The following GATA6 variants were observed in gnomAD, a reference collection of about 807,000 sequenced individuals.
The protein encoded by GATA6 is GATA binding protein 6, also known as transcription factor GATA-6.
A neutral mutation model predicts 48.1 loss-of-function variants in GATA6; 11 were observed. The observed-to-expected ratio is 0.23, with a 90% CI of 0.14 to 0.38. The LOEUF is 0.38. Among genes scored for constraint, GATA6 ranks in the 10% least tolerant of loss-of-function variants. GATA6 has a pLI of 1.00. For synonymous variants in GATA6, 419 were observed against 396.1 expected, an observed-to-expected ratio of 1.06 and a Z score of -0.69; for missense variants, 795 against 850.3, an observed-to-expected ratio of 0.93 and a Z score of 0.81.
At chr18:22,173,796 C>T (rs1382666007) in intron 2 of GATA6, among the ~76,000 whole-genome samples, 1 of 152,214 alleles carries the variant, frequency 6.6e-6, no homozygotes, top group African/African-American at 2.4e-5. Context: ...CGCGCGCCGC[C>T]ACACCTAGCT....
At chr18:22,191,371 C>T (rs543308002) in intron 6 of GATA6, among the ~76,000 whole-genome samples, 3 of 149,924 alleles carry the variant, frequency 2.0e-5, no homozygotes, top group East Asian at 4.0e-4. Flanking sequence ...ACCCGCCCCC[C>T]CAACGCCTCT....
At chr18:22,198,176 C>T (rs2033415424) in intron 6 of GATA6, among the ~76,000 whole-genome samples, 1 of 151,894 alleles carries the variant, frequency 6.6e-6, no homozygotes, top group Admixed American at 6.6e-5. Context: ...CCTTCATCAC[C>T]TAGACTCAAG....
Position 22,170,812 on chromosome 18 carries a change from A to T in GATA6, c.-37-296A>T. On this transcript the variant is annotated intron_variant, in intron 1 of 6. Coordinates refer to ENST00000269216, the MANE Select transcript of GATA6 (RefSeq NM_005257.6). This position sits in a 1 kb window ranked among gnomAD's most constrained non-coding sequence, Gnocchi z 6.7. ...GATCTGGCGCGCGCACGGAGAAAGG[A>T]TGCGGCCGAGGGGGTGGGCGGGGAG... 1 of 429,222 alleles carries T rather than the reference A, an allele frequency of 2.3e-6. No homozygotes were observed. The highest frequency in any genetic ancestry group is 4.2e-6 in the Non-Finnish European group (1 of 237,210). The allele number at this position is 429,222 out of a possible 1,614,324, so 26.6% of individuals were successfully genotyped here.
intron 3 of GATA6, among the ~76,000 whole-genome samples, chr18:22,177,790 A>G (rs538652896): frequency 2.4e-4 from 36 of 152,200 alleles, no homozygotes; most frequent in African/African-American, 8.7e-4. Context: ...TGTATCCCCA[A>G]ATACCATATC....
At chr18:22,174,519 ATTTTTT>A (rs369682521) in intron 2 of GATA6, among the ~76,000 whole-genome samples, 1 of 146,330 alleles carries the variant, frequency 6.8e-6, no homozygotes, top group African/African-American at 2.8e-5. Context: ...AAGATTTGTT[ATTTTTT>A]TAAGTATTTT....
chr18:22,182,375 G>A (rs1443837145), intron 4 of GATA6, among the ~76,000 whole-genome samples: 2 of 138,162 alleles, frequency 1.4e-5, no homozygotes, highest in South Asian at 4.6e-4. Flanking sequence ...TTCTTGTTTT[G>A]AGATGGAGTC....
chr18:22,176,922 C>G, intron 2 of GATA6, 33 bp from the exon 3 acceptor site: 3 of 1,524,494 alleles, frequency 2.0e-6, no homozygotes, highest in Non-Finnish European at 2.6e-6. Flanking sequence ...CCGGCGCGCC[C>G]ACTCCCGCCC....
chr18:22,174,728 ATTT>A (rs35173458), intron 2 of GATA6, among the ~76,000 whole-genome samples: 1 of 143,282 alleles, frequency 7.0e-6, no homozygotes, highest in African/African-American at 2.6e-5. Context: ...TGTTTCTTAG[ATTT>A]TTTTTTTTTT....
chr18:22,181,342 T>C, intron 3 of GATA6, 111 bp from the exon 4 acceptor site: 1 of 1,292,728 alleles, frequency 7.7e-7, no homozygotes, highest in Non-Finnish European at 1.1e-6. Flanking sequence ...TCATTTATAA[T>C]AAAACAGATA....
intron 6 of GATA6, among the ~76,000 whole-genome samples, chr18:22,191,900 C>T (rs779553928): frequency 1.1e-4 from 17 of 152,200 alleles, no homozygotes; most frequent in Non-Finnish European, 2.2e-4. Flanking sequence ...CAACATCTGA[C>T]GATGCTTAAA....
At chr18:22,179,359 A>G (rs1465460037) in intron 3 of GATA6, among the ~76,000 whole-genome samples, 1 of 152,214 alleles carries the variant, frequency 6.6e-6, no homozygotes, top group Non-Finnish European at 1.5e-5. Flanking sequence ...TAAGAGATTT[A>G]TGGTGTAACT....
chr18:22,193,046 G>T (rs1394533549), intron 6 of GATA6, among the ~76,000 whole-genome samples: 1 of 152,204 alleles, frequency 6.6e-6, no homozygotes, highest in African/African-American at 2.4e-5. Context: ...GGCGAGAGGG[G>T]TATGGGTTGG....
chr18:22,197,728 T>C (rs1395365783), intron 6 of GATA6, among the ~76,000 whole-genome samples: 2 of 152,182 alleles, frequency 1.3e-5, no homozygotes, highest in Non-Finnish European at 2.9e-5. Context: ...CAGAGGAGGC[T>C]CAGGGGGGAC....
intron 3 of GATA6, among the ~76,000 whole-genome samples, chr18:22,179,847 G>T (rs1732593234): frequency 6.6e-6 from 1 of 152,178 alleles, no homozygotes; most frequent in African/African-American, 2.4e-5. Flanking sequence ...AGTGCTAAAA[G>T]GTTTGCCAGT....
At chr18:22,188,435 G>A (rs2033290249) in intron 6 of GATA6, among the ~76,000 whole-genome samples, 1 of 152,160 alleles carries the variant, frequency 6.6e-6, no homozygotes, top group South Asian at 2.1e-4. Context: ...GGGAAAAATT[G>A]GGATAGAGGT....
Position 22,171,960 on chromosome 18 carries a change from C to T in GATA6, c.816C>T (p.Ala272=). The T allele has an allele frequency of 8.3e-7, 1 of 1,204,012 alleles. No individual in the cohort carries two copies. The highest frequency in any genetic ancestry group is 1.0e-6 in the Non-Finnish European group (1 of 970,680). The allele number at this position is 1,204,012 out of a possible 1,614,324, so 74.6% of individuals were successfully genotyped here. A position where few individuals can be genotyped will look rare whatever the true frequency, so the allele number is the denominator to read the frequency against. Residue 272 remains alanine, a synonymous_variant, in exon 2 of 7, where the codon GCC becomes GCT. Coordinates refer to ENST00000269216, the MANE Select transcript of GATA6 (RefSeq NM_005257.6). The surrounding 1 kb of genome is among the most constrained non-coding windows in gnomAD (Gnocchi z 7.1). ...CCTACTCTCCCAGCCCGCCCATGGC[C>T]AACGGCGCCGCGCGGGAGCCGGGAG... The part of the protein sequence containing the change: ...RFPYSPSPPM[A]NGAAREPGGY...
intron 6 of GATA6, among the ~76,000 whole-genome samples, chr18:22,193,768 G>A (rs2033355015): frequency 6.6e-6 from 1 of 152,154 alleles, no homozygotes. Flanking sequence ...TTCCAGCAAG[G>A]AAGATAGAGC....
chr18:22,171,858 AGGCGGCGCGGCT>A lies in GATA6; in HGVS notation c.722_733del (p.Ala241_Gly244del), dbSNP rs1195209193. The A allele has an allele frequency of 3.4e-6, 4 of 1,181,742 alleles. No homozygotes were observed. The highest frequency in any genetic ancestry group is 1.6e-5 in the African/African-American group (1 of 61,574). The allele number at this position is 1,181,742 out of a possible 1,614,324, so 73.2% of individuals were successfully genotyped here. On this transcript the variant is annotated inframe_deletion, in exon 2 of 7. Transcript: ENST00000269216. The surrounding 1 kb of genome is among the most constrained non-coding windows in gnomAD (Gnocchi z 7.1). ...CCGACAGCCCTCCATACGGCAGCGG[AGGCGGCGCGGCT>A]GGCGGCGGGGCCGCGGGGCCTGGCG...
chr18:22,172,128 C>T lies in GATA6; in HGVS notation c.984C>T (p.His328=), dbSNP rs746206001. The change falls in exon 2 of 7, where the codon CAC becomes CAT. Residue 328 remains histidine, a synonymous_variant. Transcript: ENST00000269216. The surrounding 1 kb of genome is among the most constrained non-coding windows in gnomAD (Gnocchi z 5.2). ...ACGGGACGTACCACCACCACCACCACCACCACCACCACCATCCGAGCCCCT... is the reference window on the plus strand; with the variant it reads ...ACGGGACGTACCACCACCACCACCATCACCACCACCACCATCCGAGCCCCT... ...PLNGTYHHHH[H]HHHHHPSPYS... 1.3e-6 allele frequency: 2 copies of T among 1,522,678 alleles called. No homozygotes were observed. The highest frequency in any genetic ancestry group is 2.4e-5 in the South Asian group (2 of 81,868). The allele number at this position is 1,522,678 out of a possible 1,614,324, so 94.3% of individuals were successfully genotyped here.
Sources: allele counts gnomAD v4.1 joint callset (sites outside exome capture counted in the v4.1 genomes callset), GRCh38; gene constraint gnomAD v4.1.1; non-coding constraint Gnocchi (gnomAD v3.1); transcripts MANE v1.5; gene names NCBI Gene and HGNC (gene_info 2026-07-23, HGNC 2026-07-21).